Variants in ETV7 observed in about 807,000 individuals in gnomAD.
ETV7 encodes transcription factor ETV7.
ETV7 carries 43 observed loss-of-function variants against 39.1 expected under a neutral mutation model. The observed-to-expected ratio is 1.10, with a 90% CI of 0.86 to 1.42. ETV7 has a LOEUF of 1.42. ETV7 is among the 40% of genes most tolerant of loss of function. ETV7 has a pLI of 0.00. For missense variants in ETV7, 432 were observed against 442.3 expected, an observed-to-expected ratio of 0.98 and a Z score of 0.21; for synonymous variants, 196 against 176.6, an observed-to-expected ratio of 1.11 and a Z score of -0.87.
rs1424929557 is a variant in ETV7, at chr6:36,385,609, G to T, written c.67C>A (p.His23Asn). The T allele has an allele frequency of 1.5e-5, 24 of 1,614,064 alleles. No homozygotes were observed. The highest frequency in any genetic ancestry group is 1.9e-5 in the Non-Finnish European group (22 of 1,180,022). Residue 23 changes from histidine (H) to asparagine (N), a missense_variant, in exon 2 of 8, where the codon CAC becomes AAC. Physicochemically the swap from His to Asn is moderately conservative, Grantham distance 68 (BLOSUM62 1). Coordinates refer to ENST00000340181, the MANE Select transcript of ETV7 (RefSeq NM_016135.4). ...PVAAMPPLGT[H>N]VQARCEAQIN... The stretch of plus-strand genomic sequence containing the variant: ...TGAGCTTCACATCTGGCTTGCACGT[G>T]GGTGCCTAGGGGAGGCATGGCTGCC...
Position 36,373,453 on chromosome 6 carries a change from C to CT in ETV7, c.432dup (p.Glu145ArgfsTer32). The CT allele has an allele frequency of 6.4e-7, 1 of 1,556,512 alleles. No individual in the cohort carries two copies. The highest frequency in any genetic ancestry group is 8.7e-7 in the Non-Finnish European group (1 of 1,156,068). Reference sequence around the variant, plus strand: ...CGAGCACCACAGAGAGCTTCCTCACCTTCCGGGGGGACTGGAGAGTGCTGG... The same window carrying CT: ...CGAGCACCACAGAGAGCTTCCTCACCTTTCCGGGGGGACTGGAGAGTGCTGG... On this transcript the variant is annotated frameshift_variant and splice_region_variant, in exon 4 of 8. Transcript: ENST00000340181. LOFTEE classifies it high-confidence loss of function.
chr6:36,384,718 T>A (rs193175640), intron 2 of ETV7, among the ~76,000 whole-genome samples: 2 of 152,056 alleles, frequency 1.3e-5, no homozygotes, highest in East Asian at 3.9e-4. Context: ...TGAAACCCCA[T>A]CTCTACTAAA....
rs1772296948 is a variant in ETV7 at position 36,354,821 on chromosome 6, T to C, written c.909-134A>G. On this transcript the variant is annotated intron_variant, in intron 7 of 7. Transcript: ENST00000339796. The stretch of plus-strand genomic sequence containing the variant: ...GTCCATTTATTTAGATTTGCTTTAA[T>C]TTCTTTCAACAATGCTTTGTAGTTT... The C allele has an allele frequency of 2.6e-5, 14 of 529,258 alleles. No individual in the cohort carries two copies. In the South Asian group the frequency reaches 3.5e-4, roughly 13 times the overall value. The allele number at this position is 529,258 out of a possible 1,614,324, so 32.8% of individuals were successfully genotyped here.
At chr6:36,363,146 C>G (rs1035213568), downstream of ETV7, among the ~76,000 whole-genome samples, 1 of 152,248 alleles carries the variant, frequency 6.6e-6, no homozygotes, top group African/African-American at 2.4e-5. Flanking sequence ...GTGTCCAGAA[C>G]TGGTGGGTTC....
intron 2 of ETV7, among the ~76,000 whole-genome samples, chr6:36,380,089 G>A (rs914423608): frequency 6.6e-6 from 1 of 152,136 alleles, no homozygotes; most frequent in African/African-American, 2.4e-5. Flanking sequence ...CATGTGGCAT[G>A]TGCTTTTTGA....
intron 3 of ETV7, among the ~76,000 whole-genome samples, chr6:36,374,609 C>G (rs1440615778): frequency 6.6e-6 from 1 of 152,212 alleles, no homozygotes; most frequent in Non-Finnish European, 1.5e-5. Context: ...TGCTTCCCCG[C>G]TTTGCCTCAG....
At chr6:36,380,442 C>G (rs758911728) in intron 2 of ETV7, among the ~76,000 whole-genome samples, 1 of 152,238 alleles carries the variant, frequency 6.6e-6, no homozygotes, top group Admixed American at 6.5e-5. Context: ...GGCCAGCTCC[C>G]GACTCCCAGC....
At chr6:36,378,525 A>G (rs990729796) in intron 2 of ETV7, among the ~76,000 whole-genome samples, 8 of 152,196 alleles carry the variant, frequency 5.3e-5, no homozygotes, top group Non-Finnish European at 1.0e-4. Flanking sequence ...AAACAAAACT[A>G]AAAGAGGGTA....
downstream of ETV7, among the ~76,000 whole-genome samples, chr6:36,365,734 C>T (rs906022630): frequency 1.1e-4 from 16 of 152,240 alleles, no homozygotes; most frequent in South Asian, 2.1e-4. Context: ...GAAAACAGGT[C>T]GAAGCCCTGG....
Position 36,366,740 on chromosome 6 carries a change from T to C in ETV7, c.931A>G (p.Met311Val), listed in dbSNP as rs1447904680. 1.9e-6 allele frequency: 3 copies of C among 1,614,044 alleles called. No homozygotes were observed. Among genetic ancestry groups the C allele is most frequent in the Admixed American group, 1.7e-5 (1 of 60,014 alleles). ...AGGTGGCTGTGCTTGTCCTGGACCA[T>C]CTTTCCCGGAGTCTTTAGAAATCTA... is the stretch of plus-strand genomic sequence containing the variant. ...LFRFLKTPGK[M>V]VQDKHSHLEP... is the part of the protein sequence containing the mutation. The change falls in exon 8 of 8, where the codon ATG becomes GTG. Residue 311 changes from methionine to valine, a missense_variant. Physicochemically the swap from Met to Val is conservative, Grantham distance 21. Coordinates refer to ENST00000340181, the MANE Select transcript of ETV7 (RefSeq NM_016135.4).
intron 2 of ETV7, among the ~76,000 whole-genome samples, chr6:36,376,574 C>CG (rs1561912037): frequency 6.6e-6 from 1 of 151,974 alleles, no homozygotes; most frequent in Non-Finnish European, 1.5e-5. Context: ...TCAGGAGATT[C>CG]AAACCATCCT....
chr6:36,359,222 G>C (rs1265035919), intron 7 of ETV7, among the ~76,000 whole-genome samples: 1 of 152,196 alleles, frequency 6.6e-6, no homozygotes, highest in African/African-American at 2.4e-5. Context: ...AGGCCAAGGT[G>C]GGCAAATCAC....
intron 7 of ETV7, among the ~76,000 whole-genome samples, chr6:36,358,590 C>T (rs1175775271): frequency 1.3e-5 from 2 of 152,266 alleles, no homozygotes; most frequent in Non-Finnish European, 2.9e-5. Flanking sequence ...CCCCATCCCC[C>T]AAACCCTAAC....
chr6:36,378,240 G>GAAAAAA (rs34940984), intron 2 of ETV7, among the ~76,000 whole-genome samples: 1 of 140,338 alleles, frequency 7.1e-6, no homozygotes. Context: ...ATCTAATATG[G>GAAAAAA]AAAAAAAAAA....
At chr6:36,375,797 C>T (rs753926608) in intron 3 of ETV7, 74 bp downstream of exon 3, 12 of 1,603,936 alleles carry the variant, frequency 7.5e-6, no homozygotes, top group Admixed American at 1.7e-5. Flanking sequence ...CCTCCCTGGG[C>T]CCCCCGGGGG....
At chr6:36,364,924 C>G (rs1171006235), downstream of ETV7, among the ~76,000 whole-genome samples, 1 of 152,232 alleles carries the variant, frequency 6.6e-6, no homozygotes, top group African/African-American at 2.4e-5. Flanking sequence ...CTGCCTGCCC[C>G]CCTGCCGGTG....
chr6:36,373,295 C>T (rs1218798575), intron 4 of ETV7, among the ~76,000 whole-genome samples, 158 bp downstream of exon 4: 4 of 117,212 alleles, frequency 3.4e-5, no homozygotes, highest in Admixed American at 1.1e-4. Context: ...AGAGGAAGGG[C>T]GGCCAGGAAC....
chr6:36,372,401 C>G (rs993075721), intron 4 of ETV7, among the ~76,000 whole-genome samples: 2 of 152,044 alleles, frequency 1.3e-5, no homozygotes, highest in Admixed American at 1.3e-4. Flanking sequence ...GAGAAGGGAG[C>G]TGCTGGAAGA....
At chr6:36,368,328 C>T (rs769794602) in intron 6 of ETV7, among the ~76,000 whole-genome samples, 1 of 152,116 alleles carries the variant, frequency 6.6e-6, no homozygotes, top group Admixed American at 6.5e-5. Flanking sequence ...TAATAGTTTT[C>T]TTTAAAAGAT....
Sources: gnomAD v4.1 joint callset for allele counts (sites outside exome capture counted in the v4.1 genomes callset) on GRCh38, gnomAD v4.1.1 for gene constraint, MANE v1.5 for transcripts, NCBI Gene and HGNC (gene_info 2026-07-23, HGNC 2026-07-21) for gene names.